KCTD8: variants seen among roughly 807,000 people sequenced by gnomAD.
The protein encoded by KCTD8 is potassium channel tetramerization domain containing 8, also known as BTB/POZ domain-containing protein KCTD8.
In KCTD8, 27 loss-of-function variants were observed where a neutral mutation model predicts 31.5. The observed-to-expected ratio is 0.86, with a 90% CI of 0.63 to 1.18. The LOEUF is 1.18. Among genes scored for constraint, KCTD8 ranks in the 50% most tolerant of loss-of-function variants. The pLI is 0.00. For synonymous variants in KCTD8, 290 were observed against 280.0 expected, an observed-to-expected ratio of 1.04 and a Z score of -0.36; for missense variants, 658 against 647.7, an observed-to-expected ratio of 1.02 and a Z score of -0.17.
chr4:44,337,690 T>A (rs1427435954), intron 1 of KCTD8, among the ~76,000 whole-genome samples: 1 of 137,928 alleles, frequency 7.3e-6, no homozygotes, highest in African/African-American at 2.6e-5. Flanking sequence ...TATATATATA[T>A]ATATATATGT....
chr4:44,227,522 A>G (rs1406277075), intron 1 of KCTD8, among the ~76,000 whole-genome samples: 3 of 152,180 alleles, frequency 2.0e-5, no homozygotes, highest in Non-Finnish European at 4.4e-5. Context: ...CCATTTAACC[A>G]TTGATTTAAG....
At chr4:44,428,711 AAAAC>A (rs1223943126) in intron 1 of KCTD8, among the ~76,000 whole-genome samples, 1 of 151,850 alleles carries the variant, frequency 6.6e-6, no homozygotes, top group Non-Finnish European at 1.5e-5. Context: ...CTCTAAAAGG[AAAAC>A]AAATAGAGGA....
chr4:44,413,546 TATAG>T (rs1281913958), intron 1 of KCTD8, among the ~76,000 whole-genome samples: 1 of 152,162 alleles, frequency 6.6e-6, no homozygotes, highest in Non-Finnish European at 1.5e-5. Context: ...ATGAGCTATA[TATAG>T]AAACTTGCTC....
At chr4:44,375,437 A>G (rs567330587) in intron 1 of KCTD8, among the ~76,000 whole-genome samples, 7 of 152,292 alleles carry the variant, frequency 4.6e-5, no homozygotes, top group African/African-American at 1.4e-4. Context: ...ACAACAGTCA[A>G]TGAGTCAGGA....
chr4:44,396,008 C>T (rs555904376), intron 1 of KCTD8, among the ~76,000 whole-genome samples: 68 of 152,082 alleles, frequency 4.5e-4, no homozygotes, highest in Admixed American at 1.1e-3. Flanking sequence ...TATTACACTG[C>T]GGTATATAAT....
chr4:44,300,698 A>G (rs183078788), intron 1 of KCTD8, among the ~76,000 whole-genome samples: 64 of 152,252 alleles, frequency 4.2e-4, no homozygotes, highest in African/African-American at 1.5e-3. Flanking sequence ...CTACACCAGT[A>G]GGATTATCAA....
intron 1 of KCTD8, among the ~76,000 whole-genome samples, chr4:44,333,097 C>A (rs1431217500): frequency 6.6e-5 from 10 of 151,988 alleles, no homozygotes; most frequent in Non-Finnish European, 7.4e-5. Flanking sequence ...GGCCAGATAA[C>A]CAACTGATCA....
At chr4:44,231,203 G>C (rs1236540591) in intron 1 of KCTD8, among the ~76,000 whole-genome samples, 6 of 152,176 alleles carry the variant, frequency 3.9e-5, no homozygotes, top group African/African-American at 1.2e-4. Context: ...ATGTAGACTA[G>C]GCAAAGATCA....
chr4:44,431,825 T>C (rs1444226296), intron 1 of KCTD8, among the ~76,000 whole-genome samples: 1 of 151,608 alleles, frequency 6.6e-6, no homozygotes, highest in Non-Finnish European at 1.5e-5. Flanking sequence ...AAATGATTTG[T>C]AATTTTTTAT....
intron 1 of KCTD8, among the ~76,000 whole-genome samples, chr4:44,377,786 G>A (rs1719952744): frequency 6.6e-6 from 1 of 152,202 alleles, no homozygotes; most frequent in African/African-American, 2.4e-5. Flanking sequence ...GATGGAAGTA[G>A]TGTGGACTTG....
chr4:44,334,671 C>T (rs1718675978), intron 1 of KCTD8, among the ~76,000 whole-genome samples: 1 of 151,754 alleles, frequency 6.6e-6, no homozygotes. Context: ...AATCCTTGAA[C>T]ATAACAACAA....
chr4:44,434,902 T>A (rs1226920411), intron 1 of KCTD8, among the ~76,000 whole-genome samples: 1 of 151,878 alleles, frequency 6.6e-6, no homozygotes, highest in Non-Finnish European at 1.5e-5. Flanking sequence ...CTGTCATTCA[T>A]GGGATTTTGT....
At chr4:44,198,464 C>T (rs1482907173) in intron 1 of KCTD8, among the ~76,000 whole-genome samples, 2 of 152,120 alleles carry the variant, frequency 1.3e-5, no homozygotes, top group Non-Finnish European at 2.9e-5. Flanking sequence ...GACCTCTCAG[C>T]AGAAACCTCA....
intron 1 of KCTD8, among the ~76,000 whole-genome samples, chr4:44,281,945 T>C (rs1029036136): frequency 2.6e-4 from 40 of 152,240 alleles, no homozygotes; most frequent in East Asian, 2.3e-3. Context: ...AATGATGACC[T>C]AAATGAGTGG....
chr4:44,293,524 C>T (rs1461959183), intron 1 of KCTD8: 1 of 431,018 alleles, frequency 2.3e-6, no homozygotes, highest in East Asian at 7.1e-5. Flanking sequence ...AGAAGCAGCA[C>T]ACAGAGGACA....
In KCTD8 at chr4:44,175,054, A is replaced by G; in HGVS notation, c.1158T>C (p.Thr386=). The change falls in exon 2 of 2, where the codon ACT becomes ACC. Residue 386 remains threonine (T), a synonymous_variant. Transcript: ENST00000360029. ...AQQATAHQPN[T]LTLDRPSKKA... ...TTTTAGAGGGGCGATCCAATGTTAA[A>G]GTGTTAGGTTGGTGAGCTGTTGCCT... 1 of 1,613,978 alleles carries G rather than the reference A, an allele frequency of 6.2e-7. No homozygotes were observed. The highest frequency in any genetic ancestry group is 1.1e-5 in the South Asian group (1 of 91,070).
chr4:44,399,766 G>A (rs753313472), intron 1 of KCTD8, among the ~76,000 whole-genome samples: 3 of 152,198 alleles, frequency 2.0e-5, no homozygotes, highest in Admixed American at 6.5e-5. Flanking sequence ...AGGTTAAAGA[G>A]CGTTAATCAC....
chr4:44,265,369 C>T (rs1392391191), intron 1 of KCTD8, among the ~76,000 whole-genome samples: 1 of 152,110 alleles, frequency 6.6e-6, no homozygotes, highest in Non-Finnish European at 1.5e-5. Flanking sequence ...ACAGAAAGGA[C>T]ATCCACACCA....
chr4:44,219,283 TATG>T (rs1188754287), intron 1 of KCTD8, among the ~76,000 whole-genome samples: 1 of 152,250 alleles, frequency 6.6e-6, no homozygotes, highest in African/African-American at 2.4e-5. Flanking sequence ...TCAGTTGCTT[TATG>T]TTGTGGATTG....
Sources: gnomAD v4.1 joint callset for allele counts (sites outside exome capture counted in the v4.1 genomes callset) on GRCh38, gnomAD v4.1.1 for gene constraint, MANE v1.5 for transcripts, NCBI Gene and HGNC (gene_info 2026-07-23, HGNC 2026-07-21) for gene names.